The following CSMD1 variants were observed in gnomAD, a reference collection of about 807,000 sequenced individuals.
CSMD1 encodes CUB and Sushi multiple domains 1.
A neutral mutation model predicts 417.5 loss-of-function variants in CSMD1; 213 were observed. That is an observed-to-expected ratio of 0.51 (90% confidence interval 0.46 to 0.57). CSMD1 has a LOEUF of 0.57. CSMD1 is among the 20% of genes least tolerant of loss of function. The pLI is 0.00. For missense variants in CSMD1, 6,923 were observed against 4,529.7 expected (o/e 1.53, Z -15.17); for synonymous variants, 2,862 against 1,736.8 (o/e 1.65, Z -16.11).
chr8:3,847,183 T>TG (rs916299232), intron 5 of CSMD1, among the ~76,000 whole-genome samples: 16 of 152,156 alleles, frequency 1.1e-4, no homozygotes, highest in African/African-American at 3.9e-4. Flanking sequence ...ACCTTACAGG[T>TG]GGCGCGGTGT....
intron 1 of CSMD1, among the ~76,000 whole-genome samples, chr8:4,702,808 G>A (rs554099100): frequency 1.6e-4 from 25 of 152,032 alleles, no homozygotes; most frequent in African/African-American, 4.1e-4. Context: ...TAATAATAGC[G>A]GGATTCATCA....
chr8:3,261,366 A>G (rs866399420), intron 26 of CSMD1, among the ~76,000 whole-genome samples: 1 of 152,188 alleles, frequency 6.6e-6, no homozygotes, highest in African/African-American at 2.4e-5. Context: ...TCTCAGAGAA[A>G]TAGAAACTTA....
intron 26 of CSMD1, among the ~76,000 whole-genome samples, chr8:3,282,380 C>G (rs1218342165): frequency 6.6e-6 from 1 of 152,006 alleles, no homozygotes; most frequent in Non-Finnish European, 1.5e-5. Flanking sequence ...AAAAATAAAA[C>G]CTGTTGAAAA....
chr8:3,394,987 A>T (rs1811599576), intron 17 of CSMD1, among the ~76,000 whole-genome samples: 1 of 152,192 alleles, frequency 6.6e-6, no homozygotes, highest in South Asian at 2.1e-4. Flanking sequence ...GTGTATACTT[A>T]TATGAGTATG....
At chr8:3,845,946 C>G (rs1199280620) in intron 5 of CSMD1, among the ~76,000 whole-genome samples, 2 of 152,028 alleles carry the variant, frequency 1.3e-5, no homozygotes, top group East Asian at 3.9e-4. Flanking sequence ...CACATCCTGT[C>G]CCACTGCAGG....
intron 10 of CSMD1, among the ~76,000 whole-genome samples, chr8:3,523,912 C>T (rs567036717): frequency 7.4e-5 from 11 of 148,348 alleles, no homozygotes; most frequent in South Asian, 2.2e-4. Context: ...CACATGTACA[C>T]GCACACACAC....
At chr8:3,596,132 C>T (rs1439249174) in intron 8 of CSMD1, among the ~76,000 whole-genome samples, 6 of 152,062 alleles carry the variant, frequency 3.9e-5, no homozygotes, top group Admixed American at 6.6e-5. Context: ...CTCTGTAGCT[C>T]GAGGGAGGAA....
intron 3 of CSMD1, among the ~76,000 whole-genome samples, chr8:4,338,911 T>C (rs1161377015): frequency 6.6e-6 from 1 of 152,106 alleles, no homozygotes; most frequent in Non-Finnish European, 1.5e-5. Context: ...AACAGAGGCA[T>C]GATAAATAAA....
intron 5 of CSMD1, among the ~76,000 whole-genome samples, chr8:3,884,843 G>A (rs1465070592): frequency 6.6e-6 from 1 of 151,304 alleles, no homozygotes; most frequent in Non-Finnish European, 1.5e-5. Flanking sequence ...GTCAGTCTGT[G>A]TATGAAAATG....
chr8:4,742,083 T>C (rs535306268), intron 1 of CSMD1, among the ~76,000 whole-genome samples: 1 of 128,380 alleles, frequency 7.8e-6, no homozygotes, highest in Non-Finnish European at 1.6e-5. Context: ...CAGGCTGGAG[T>C]GCAGTGGCGC....
intron 2 of CSMD1, among the ~76,000 whole-genome samples, chr8:4,428,858 A>C (rs1211692265): frequency 6.6e-6 from 1 of 152,024 alleles, no homozygotes; most frequent in Non-Finnish European, 1.5e-5. Context: ...ATCTGGGATT[A>C]CAGGCACCAC....
At chr8:3,425,654 G>A (rs773090591) in intron 12 of CSMD1, among the ~76,000 whole-genome samples, 7 of 151,996 alleles carry the variant, frequency 4.6e-5, no homozygotes, top group Non-Finnish European at 5.9e-5. Flanking sequence ...CAGCAGCAGG[G>A]AGCCCAGAGA....
chr8:4,020,130 C>A (rs1051564444), intron 4 of CSMD1, among the ~76,000 whole-genome samples: 16 of 152,174 alleles, frequency 1.1e-4, no homozygotes, highest in African/African-American at 3.9e-4. Context: ...TCTTTGCTAA[C>A]CATTTTACCT....
chr8:4,412,512 T>C (rs555525813), intron 3 of CSMD1, among the ~76,000 whole-genome samples: 15 of 152,262 alleles, frequency 9.9e-5, no homozygotes, highest in African/African-American at 3.6e-4. Flanking sequence ...GTGAACCAAT[T>C]ACACCTATTT....
chr8:4,216,039 G>A (rs1444112336), intron 3 of CSMD1, among the ~76,000 whole-genome samples: 1 of 152,168 alleles, frequency 6.6e-6, no homozygotes, highest in Non-Finnish European at 1.5e-5. Flanking sequence ...CCTGACAGCT[G>A]CACACCCACG....
chr8:4,442,600 G>T (rs971999358), intron 2 of CSMD1, among the ~76,000 whole-genome samples: 1 of 152,094 alleles, frequency 6.6e-6, no homozygotes, highest in Non-Finnish European at 1.5e-5. Context: ...CCCCAAATTG[G>T]CTAGAAAAAC....
At chr8:4,991,704 C>T (rs1811476900) in intron 1 of CSMD1, among the ~76,000 whole-genome samples, 1 of 152,090 alleles carries the variant, frequency 6.6e-6, no homozygotes, top group Admixed American at 6.5e-5. Context: ...GGGGGGAGGC[C>T]CGACCTTGGT....
chr8:4,145,648 C>G (rs7824291), intron 3 of CSMD1, among the ~76,000 whole-genome samples: 45,054 of 150,594 alleles, frequency 0.3, 7,599 homozygotes, highest in Middle Eastern at 0.43. Flanking sequence ...CTTGGCCTCT[C>G]AAAGTGCTGG....
chr8:4,512,070 C>T lies in CSMD1; in HGVS notation c.303-92005G>A, dbSNP rs76355551. 6.4e-3 allele frequency among the ~76,000 whole-genome samples: 981 copies of T among 152,184 alleles called. 6 individuals are homozygous for T. Among genetic ancestry groups the T allele is most frequent in the Non-Finnish European group, 9.0e-3 (610 of 68,012 alleles). On this transcript the variant is annotated intron_variant, in intron 2 of 69. Transcript: ENST00000635120. ...AATATTAGCAAAATAAATTCAACAA[C>T]GTATAAAAAGAATTATATACCATGT...
Sources: allele counts gnomAD v4.1 joint callset (sites outside exome capture counted in the v4.1 genomes callset), GRCh38; gene constraint gnomAD v4.1.1; transcripts MANE v1.5; gene names NCBI Gene and HGNC (gene_info 2026-07-23, HGNC 2026-07-21).